The following CASD1 variants were observed in gnomAD, a reference collection of about 807,000 sequenced individuals.
CASD1 encodes the protein N-acetylneuraminate (7)9-O-acetyltransferase.
CASD1 carries 41 observed loss-of-function variants against 100.0 expected under a neutral mutation model. The observed-to-expected ratio is 0.41, with a 90% CI of 0.32 to 0.53. The LOEUF is 0.53. CASD1 is among the 20% of genes least tolerant of loss of function. The pLI, the probability that CASD1 is intolerant of heterozygous loss-of-function variation, is 0.25. For synonymous variants in CASD1, 321 were observed against 315.6 expected (o/e 1.02, Z -0.18); for missense variants, 774 against 948.7 (o/e 0.82, Z 2.42).
chr7:94,572,630 C>A, the CASD1 span, among the ~76,000 whole-genome samples: 1 of 152,096 alleles, frequency 6.6e-6, no homozygotes, highest in Non-Finnish European at 1.5e-5. Flanking sequence ...GGATATTAGA[C>A]CTTTATTAGA....
In CASD1 at chr7:94,549,651, T is replaced by G; in HGVS notation, c.1815+17T>G. Reference sequence around the variant, plus strand: ...GACCGTTATGTATGTATTTACTTTGTGATATTTTGTCATTTCAAATTATAC... The same window carrying G: ...GACCGTTATGTATGTATTTACTTTGGGATATTTTGTCATTTCAAATTATAC... On this transcript the variant is annotated intron_variant, in intron 14 of 17. Coordinates refer to ENST00000297273, the MANE Select transcript of CASD1 (RefSeq NM_022900.5). The G allele has an allele frequency of 6.5e-7, 1 of 1,549,094 alleles. No individual in the cohort carries two copies. Among genetic ancestry groups the G allele is most frequent in the Non-Finnish European group, 8.8e-7 (1 of 1,134,926 alleles).
the CASD1 span, chr7:94,617,292 G>C: frequency 6.6e-6 from 1 of 152,234 alleles, no homozygotes; most frequent in East Asian, 1.9e-4. Context: ...GTTTAGTTCA[G>C]GTTCTAAAAG....
the CASD1 span, chr7:94,619,566 A>G: frequency 0.062 from 9,432 of 152,314 alleles, 401 homozygotes; most frequent in East Asian, 0.13. Context: ...AGTAAATATA[A>G]TTTGTTACTC....
the CASD1 span, chr7:94,587,992 A>C: frequency 7.1e-7 from 1 of 1,410,398 alleles, no homozygotes; most frequent in Non-Finnish European, 9.2e-7. Context: ...TTGCTTTTCC[A>C]AAAGAGCTAC....
rs948344213 is a variant in CASD1, at chr7:94,551,239, C to T, written c.1816-99C>T. 2 of 899,298 alleles carry T rather than the reference C, an allele frequency of 2.2e-6. 1 individual carries two copies. Among genetic ancestry groups the T allele is most frequent in the Non-Finnish European group, 3.2e-6 (2 of 615,816 alleles). 55.7% of individuals were successfully genotyped at this position (899,298 alleles called of 1,614,324 possible). ...GACACTTCAAACTTTAAGCTTTTAA[C>T]CTACCTACTTTTATTCATATATTCC... On this transcript the variant is annotated intron_variant, in intron 14 of 17. Transcript: ENST00000297273.
At chr7:94,589,149 A>G in the CASD1 span, 1 of 206,180 alleles carries the variant, frequency 4.9e-6, no homozygotes, top group African/African-American at 2.3e-5. Flanking sequence ...ATGGAACAAC[A>G]TATATAACCA....
intron 13 of CASD1, 60 bp from the exon 14 acceptor site, chr7:94,549,473 A>T (rs1222810363): frequency 8.4e-7 from 1 of 1,185,264 alleles, no homozygotes; most frequent in African/African-American, 1.6e-5. Context: ...CTGTAATAGA[A>T]TTGCAAAGCA....
At chr7:94,600,819 C>T in the CASD1 span, 3 of 1,612,612 alleles carry the variant, frequency 1.9e-6, no homozygotes, top group African/African-American at 2.7e-5. Flanking sequence ...CTCCACGAAT[C>T]ACTTCCTGAT....
At position 94,537,459 on chromosome 7, in the gene CASD1, G is replaced by T. The variant is rs1230553809; in HGVS notation, c.844-13G>T. The T allele has an allele frequency of 1.3e-6, 2 of 1,582,976 alleles. No individual in the cohort carries two copies. The highest frequency in any genetic ancestry group is 3.8e-5 in the Admixed American group (2 of 53,170). Reference sequence around the variant, plus strand: ...TGACAAGATAATAACCAAATAACTTGATTTGTTCACAGACTGCAATGATTC... The same window carrying T: ...TGACAAGATAATAACCAAATAACTTTATTTGTTCACAGACTGCAATGATTC... On this transcript the variant is annotated splice_polypyrimidine_tract_variant and intron_variant, in intron 8 of 17. Transcript: ENST00000297273.
At chr7:94,625,350 G>A in the CASD1 span, 12 of 151,734 alleles carry the variant, frequency 7.9e-5, no homozygotes, top group Admixed American at 2.6e-4. Flanking sequence ...TGAAAGATAT[G>A]GTAAACTTTC....
chr7:94,586,913 T>C, the CASD1 span: 6 of 983,370 alleles, frequency 6.1e-6, no homozygotes, highest in African/African-American at 1.8e-5. Flanking sequence ...TTTTGGGGAC[T>C]CACTAAATAA....
At chr7:94,594,956 G>T in the CASD1 span, among the ~76,000 whole-genome samples, 2 of 152,068 alleles carry the variant, frequency 1.3e-5, no homozygotes, top group African/African-American at 4.8e-5. Flanking sequence ...CAGCTTCCCT[G>T]TCCACTGCCT....
intron 9 of CASD1, 118 bp downstream of exon 9, chr7:94,538,012 TGAAG>T (rs1795202644): frequency 1.5e-6 from 1 of 647,078 alleles, no homozygotes; most frequent in Admixed American, 3.0e-5. Context: ...GAGATGAAGA[TGAAG>T]GAAGATTGTA....
the CASD1 span, among the ~76,000 whole-genome samples, chr7:94,607,163 C>G: frequency 6.6e-6 from 1 of 152,072 alleles, no homozygotes; most frequent in Non-Finnish European, 1.5e-5. Context: ...AATTAATAAT[C>G]TTCTAAAGCA....
the CASD1 span, chr7:94,622,360 G>A: frequency 1.3e-5 from 2 of 152,234 alleles, no homozygotes; most frequent in African/African-American, 4.8e-5. Context: ...AGGTGTGGTG[G>A]TTCGTGCCTG....
intron 10 of CASD1, 83 bp from the exon 11 acceptor site, chr7:94,544,328 A>T: frequency 2.7e-6 from 4 of 1,492,030 alleles, no homozygotes; most frequent in Non-Finnish European, 3.7e-6. Flanking sequence ...ATCATTTATT[A>T]TCTTTGTTAA....
At chr7:94,558,983 A>G (rs2116454235), downstream of CASD1, among the ~76,000 whole-genome samples, 1 of 152,110 alleles carries the variant, frequency 6.6e-6, no homozygotes, top group South Asian at 2.1e-4. Flanking sequence ...TATTTTTAGT[A>G]GAGTTGGGGT....
Position 94,510,028 on chromosome 7 carries a change from C to G in CASD1, c.-57C>G, listed in dbSNP as rs1393180761. 15 of 1,448,532 alleles carry G rather than the reference C, an allele frequency of 1.0e-5. No homozygotes were observed. Among genetic ancestry groups the G allele is most frequent in the Non-Finnish European group, 1.3e-5 (14 of 1,090,036 alleles). The allele number at this position is 1,448,532 out of a possible 1,614,324, so 89.7% of individuals were successfully genotyped here. ...GCAGCGGCGGCAGCCCCAGTGCTGC[C>G]CCTGTGCGGCGCCCCTTTCCCGCTC... On this transcript the variant is annotated 5_prime_UTR_variant, in exon 1 of 18. Transcript: ENST00000297273.
In CASD1 at chr7:94,552,077, G is replaced by T. The variant is rs116061284; in HGVS notation, c.1957-273G>T. On this transcript the variant is annotated intron_variant, in intron 15 of 17. Coordinates refer to ENST00000297273, the MANE Select transcript of CASD1 (RefSeq NM_022900.5). ...AATTTGGGATAAAATGTAATGTAAGGTGTTTCATATGGAGAGCCATCACTG... is the reference window on the plus strand; with the variant it reads ...AATTTGGGATAAAATGTAATGTAAGTTGTTTCATATGGAGAGCCATCACTG... 1.6e-3 allele frequency: 531 copies of T among 336,028 alleles called. 3 individuals carry two copies. The highest frequency in any genetic ancestry group is 0.01 in the African/African-American group (486 of 46,506). The allele number at this position is 336,028 out of a possible 1,614,324, so 20.8% of individuals were successfully genotyped here.
Sources: allele counts gnomAD v4.1 joint callset (sites outside exome capture counted in the v4.1 genomes callset), GRCh38; gene constraint gnomAD v4.1.1; transcripts MANE v1.5; gene names NCBI Gene and HGNC (gene_info 2026-07-23, HGNC 2026-07-21).